Variants in YIPF4 observed in about 807,000 individuals in gnomAD.
YIPF4 encodes the protein Yip1 domain family member 4, also known as protein YIPF4.
A neutral mutation model predicts 29.4 loss-of-function variants in YIPF4; 18 were observed. The observed-to-expected ratio is 0.61, with a 90% CI of 0.42 to 0.91. The LOEUF is 0.91. YIPF4 is among the 40% of genes least tolerant of loss of function. YIPF4 has a pLI of 0.00. For synonymous variants in YIPF4, 115 were observed against 104.7 expected (o/e 1.10, Z -0.60); for missense variants, 279 against 282.7 (o/e 0.99, Z 0.09).
chr2:32,305,338 G>A (rs2031539539), intron 5 of YIPF4, 151 bp from the exon 6 acceptor site: 1 of 920,840 alleles, frequency 1.1e-6, no homozygotes, highest in Admixed American at 3.6e-5. Context: ...TTCTTAATAA[G>A]TTTTTAACAT....
Position 32,290,589 on chromosome 2 carries a change from G to C in YIPF4, c.186G>C (p.Trp62Cys). 1.3e-6 allele frequency: 2 copies of C among 1,578,880 alleles called. No homozygotes were observed. Among genetic ancestry groups the C allele is most frequent in the Non-Finnish European group, 1.7e-6 (2 of 1,162,816 alleles). ...TTFLRQRGYG[W>C]LLEVEDDDPE... ...TTCTGAGACAAAGAGGTTATGGCTG[G>C]CTTCTGGAAGTTGAAGATGATGATC... The change falls in exon 2 of 6, where the codon TGG becomes TGC. Residue 62 changes from tryptophan (W) to cysteine (C), a missense_variant. Physicochemically the swap from Trp to Cys is radical, Grantham distance 215. Transcript: ENST00000238831.
Position 32,310,927 on chromosome 2 carries a change from A to T in YIPF4, c.*5301A>T, listed in dbSNP as rs2031705409. 1 of 152,126 alleles carries T rather than the reference A, an allele frequency of 6.6e-6. No homozygotes were observed. Among genetic ancestry groups the T allele is most frequent in the Non-Finnish European group, 1.5e-5 (1 of 68,034 alleles). The allele number at this position is 152,126 out of a possible 1,614,324, so 9.4% of individuals were successfully genotyped here. A position where few individuals can be genotyped will look rare whatever the true frequency, so the allele number is the denominator to read the frequency against. On this transcript the variant is annotated 3_prime_UTR_variant, in exon 6 of 6. Coordinates refer to ENST00000238831, the MANE Select transcript of YIPF4 (RefSeq NM_032312.4). ...CATGTAAGTTGACCCGCACTATTCA[A>T]ATTTGTGGTGTTCAAGGTTCAACTG... is the stretch of plus-strand genomic sequence containing the variant.
In YIPF4 at chr2:32,301,400, C is replaced by T. The variant is rs908224699; in HGVS notation, c.502C>T (p.Leu168Phe). ...TTCACAGGTTGCATATGGCCAAGTC[C>T]TTGGAGTTATAGGATATTCATTACT... ...LGGEVAYGQV[L>F]GVIGYSLLPL... is the part of the protein sequence containing the mutation. The change falls in exon 5 of 6, where the codon CTT becomes TTT. Residue 168 changes from leucine to phenylalanine, a missense_variant. Coordinates refer to ENST00000238831, the MANE Select transcript of YIPF4 (RefSeq NM_032312.4). The T allele has an allele frequency of 2.5e-6, 4 of 1,610,434 alleles. No individual in the cohort carries two copies. Among genetic ancestry groups the T allele is most frequent in the Non-Finnish European group, 3.4e-6 (4 of 1,178,770 alleles).
intron 4 of YIPF4, among the ~76,000 whole-genome samples, chr2:32,299,437 A>C (rs569395696): frequency 1.3e-5 from 2 of 152,332 alleles, no homozygotes; most frequent in South Asian, 2.1e-4. Flanking sequence ...GTATCTGAAG[A>C]AAATAAGGCT....
In YIPF4 at chr2:32,306,754, T is replaced by C; in HGVS notation, c.*1128T>C. 1 of 254,126 alleles carries C rather than the reference T, an allele frequency of 3.9e-6. No individual in the cohort carries two copies. The highest frequency in any genetic ancestry group is 1.4e-4 in the South Asian group (1 of 7,004). 15.7% of individuals were successfully genotyped at this position (254,126 alleles called of 1,614,324 possible). A position where few individuals can be genotyped will look rare whatever the true frequency, so the allele number is the denominator to read the frequency against. ...CTGTAGTTAATATTACTTTGTAAAGTAGGTAAATCATTTTATTTATGTCCA... is the reference window on the plus strand; with the variant it reads ...CTGTAGTTAATATTACTTTGTAAAGCAGGTAAATCATTTTATTTATGTCCA... On this transcript the variant is annotated 3_prime_UTR_variant, in exon 6 of 6. Coordinates refer to ENST00000238831, the MANE Select transcript of YIPF4 (RefSeq NM_032312.4).
At chr2:32,284,661 A>T (rs890212671) in intron 1 of YIPF4, among the ~76,000 whole-genome samples, 2 of 152,196 alleles carry the variant, frequency 1.3e-5, no homozygotes, top group Non-Finnish European at 2.9e-5. Flanking sequence ...TTGTTTATAA[A>T]TTACTCAGTC....
chr2:32,284,012 C>T (rs1410552190), intron 1 of YIPF4, among the ~76,000 whole-genome samples: 2 of 152,108 alleles, frequency 1.3e-5, no homozygotes, highest in Non-Finnish European at 2.9e-5. Flanking sequence ...GCATGAGTCA[C>T]CACGCCAGGC....
chr2:32,290,523 T>C lies in YIPF4; in HGVS notation c.120T>C (p.Asn40=), dbSNP rs2148961104. The C allele has an allele frequency of 6.3e-7, 1 of 1,579,140 alleles. No individual in the cohort carries two copies. The highest frequency in any genetic ancestry group is 8.6e-7 in the Non-Finnish European group (1 of 1,163,532). The part of the protein sequence containing the change: ...GSIASPDVKL[N]LGGDFIKEST... ...TAGCATCCCCAGATGTCAAATTAAA[T>C]CTTGGTGGAGATTTTATCAAAGAAT... The change falls in exon 2 of 6, where the codon AAT becomes AAC. Residue 40 remains asparagine, a synonymous_variant. Coordinates refer to ENST00000238831, the MANE Select transcript of YIPF4 (RefSeq NM_032312.4).
At chr2:32,300,405 G>A (rs995277458) in intron 4 of YIPF4, among the ~76,000 whole-genome samples, 1 of 150,128 alleles carries the variant, frequency 6.7e-6, no homozygotes, top group African/African-American at 2.5e-5. Flanking sequence ...CTGCACTCCA[G>A]TGTGGGCGAC....
intron 1 of YIPF4, among the ~76,000 whole-genome samples, chr2:32,285,545 CTGTTAT>C (rs2030625176): frequency 6.6e-6 from 1 of 152,016 alleles, no homozygotes; most frequent in East Asian, 1.9e-4. Flanking sequence ...TTCTGTCACT[CTGTTAT>C]TGTGACCATT....
chr2:32,299,671 A>G (rs2031324594), intron 4 of YIPF4, among the ~76,000 whole-genome samples: 1 of 151,888 alleles, frequency 6.6e-6, no homozygotes, highest in African/African-American at 2.4e-5. Flanking sequence ...AAAATTATCC[A>G]GGCATAGTGG....
intron 1 of YIPF4, among the ~76,000 whole-genome samples, chr2:32,279,407 T>G (rs1176775155): frequency 1.4e-5 from 2 of 141,634 alleles, no homozygotes; most frequent in African/African-American, 5.2e-5. Context: ...TTTTTTTTTT[T>G]TTTTTTTTGA....
Position 32,292,217 on chromosome 2 carries a change from A to G in YIPF4, c.274A>G (p.Ile92Val). 6.3e-7 allele frequency: 1 copy of G among 1,590,200 alleles called. No homozygotes were observed. The highest frequency in any genetic ancestry group is 2.2e-5 in the East Asian group (1 of 44,524). ...TGATCTAAAGGATATTTACTACAAA[A>G]TCCGATGTGTTTTGATGCCAATGCC... is the stretch of plus-strand genomic sequence containing the variant. ...DIDLKDIYYK[I>V]RCVLMPMPSL... The change falls in exon 3 of 6, where the codon ATC becomes GTC. Residue 92 changes from isoleucine (I) to valine (V), a missense_variant. By Grantham distance (29) the Ile-to-Val change is conservative. Coordinates refer to ENST00000238831, the MANE Select transcript of YIPF4 (RefSeq NM_032312.4).
Position 32,278,016 on chromosome 2 carries a change from T to G in YIPF4, c.-140T>G, listed in dbSNP as rs2030174692. The G allele has an allele frequency of 1.4e-6, 1 of 695,618 alleles. No homozygotes were observed. Among genetic ancestry groups the G allele is most frequent in the Non-Finnish European group, 2.3e-6 (1 of 435,588 alleles). 43.1% of individuals were successfully genotyped at this position (695,618 alleles called of 1,614,324 possible). ...AGCTCAGCGGCCCGCTGTGCCCGTT[T>G]CTGGCCTCGCTCGCAGCTTGCACGT... On this transcript the variant is annotated 5_prime_UTR_variant, in exon 1 of 6. Transcript: ENST00000238831.
intron 3 of YIPF4, among the ~76,000 whole-genome samples, chr2:32,294,914 AAAACC>A (rs1218198863): frequency 2.0e-5 from 3 of 152,196 alleles, no homozygotes; most frequent in African/African-American, 7.2e-5. Flanking sequence ...AAAAAATACA[AAAACC>A]AGTCAGGCGT....
chr2:32,288,796 CAATAAATA>C (rs1354279429), intron 1 of YIPF4, among the ~76,000 whole-genome samples: 7 of 151,260 alleles, frequency 4.6e-5, no homozygotes, highest in Non-Finnish European at 1.0e-4. Flanking sequence ...GGAGACAGAG[CAATAAATA>C]AATAAATAAA....
rs545134766 is a variant in YIPF4, at chr2:32,290,765, A to G, written c.233+129A>G. The G allele has an allele frequency of 2.9e-5, 15 of 523,104 alleles. 1 individual carries two copies. In the South Asian group the frequency reaches 9.3e-4, roughly 32 times the overall value. 32.4% of individuals were successfully genotyped at this position (523,104 alleles called of 1,614,324 possible). A position where few individuals can be genotyped will look rare whatever the true frequency, so the allele number is the denominator to read the frequency against. ...AAAAGCTATAGTGATTGTCAATTTT[A>G]CTAGTAATTTAAAAAACTGAAATAA... is the stretch of plus-strand genomic sequence containing the variant. On this transcript the variant is annotated intron_variant, in intron 2 of 5. Transcript: ENST00000238831.
chr2:32,284,243 T>C (rs2030558751), intron 1 of YIPF4, among the ~76,000 whole-genome samples: 1 of 152,158 alleles, frequency 6.6e-6, no homozygotes, highest in South Asian at 2.1e-4. Context: ...TATATAATTA[T>C]ATATAGTGAT....
Position 32,290,504 on chromosome 2 carries a change from C to A in YIPF4, c.101C>A (p.Ser34Tyr). Residue 34 changes from serine to tyrosine, a missense_variant, in exon 2 of 6, where the codon TCC (serine) becomes TAC (tyrosine). Ser to Tyr is a moderately radical substitution (Grantham distance 144, BLOSUM62 -2). Transcript: ENST00000238831. ...DAEDLSGSIA[S>Y]PDVKLNLGGD... The stretch of plus-strand genomic sequence containing the variant: ...TAAGATCTCAGTGGTTCAATAGCAT[C>A]CCCAGATGTCAAATTAAATCTTGGT... 4 of 1,568,080 alleles carry A rather than the reference C, an allele frequency of 2.6e-6. No individual in the cohort carries two copies. Among genetic ancestry groups the A allele is most frequent in the South Asian group, 1.2e-5 (1 of 83,816 alleles).
Sources: gnomAD v4.1 joint callset for allele counts (sites outside exome capture counted in the v4.1 genomes callset) on GRCh38, gnomAD v4.1.1 for gene constraint, MANE v1.5 for transcripts, NCBI Gene and HGNC (gene_info 2026-07-23, HGNC 2026-07-21) for gene names.